Variants in PPP1R2 observed in about 807,000 individuals in gnomAD.
PPP1R2 encodes protein phosphatase 1 regulatory inhibitor subunit 2.
Under a neutral mutation model 29.9 loss-of-function variants are expected in PPP1R2, and 16 were observed. The ratio of observed to expected loss-of-function variants is 0.53; its 90% CI spans 0.36 to 0.81. The LOEUF (loss-of-function observed/expected upper bound fraction) is 0.81. PPP1R2 is among the 30% of genes least tolerant of loss of function. The pLI is 0.00. For missense variants in PPP1R2, 197 were observed against 252.7 expected (o/e 0.78, Z 1.49); for synonymous variants, 76 against 91.5 (o/e 0.83, Z 0.96).
chr3:195,529,784 G>A lies in PPP1R2; in HGVS notation c.230+10C>T, dbSNP rs754523535. The stretch of plus-strand genomic sequence containing the variant: ...AAGTCACAAGAGGAATGACGTCTAC[G>A]TAACATTACCTATGGTAAGGAGTGC... On this transcript the variant is annotated intron_variant, in intron 2 of 5. Transcript: ENST00000618156. The A allele has an allele frequency of 1.4e-5, 22 of 1,541,546 alleles. No individual in the cohort carries two copies. The highest frequency in any genetic ancestry group is 2.8e-5 in the African/African-American group (2 of 72,282).
At chr3:195,523,577 T>A (rs1718848914) in intron 4 of PPP1R2, 115 bp downstream of exon 4, 1 of 759,744 alleles carries the variant, frequency 1.3e-6, no homozygotes, top group African/African-American at 1.8e-5. Flanking sequence ...TTGCTTTCAT[T>A]CTCCTCCCCT....
chr3:195,542,988 C>T lies in PPP1R2; in HGVS notation c.38G>A (p.Gly13Glu). 1.2e-6 allele frequency: 2 copies of T among 1,602,326 alleles called. No individual in the cohort carries two copies. Among genetic ancestry groups the T allele is most frequent in the Non-Finnish European group, 1.7e-6 (2 of 1,174,656 alleles). ...CGTAGAGGTCTTGTTCTTCAAGATC[C>T]CCTTGATGGGCCGGTGCGAGGCCGT... ...ASTASHRPIK[G>E]ILKNKTSTTS... Residue 13 changes from glycine (G) to glutamate (E), a missense_variant, in exon 1 of 6, where the codon GGG (glycine) becomes GAG (glutamate). By Grantham distance (98) the Gly-to-Glu change is moderately conservative. This residue lies in a region of PPP1R2 where 54 missense variants were observed against 60.6 expected (regional missense o/e 0.89). Transcript: ENST00000618156.
At chr3:195,526,580 C>T (rs948539036) in intron 2 of PPP1R2, among the ~76,000 whole-genome samples, 4 of 152,104 alleles carry the variant, frequency 2.6e-5, no homozygotes, top group African/African-American at 9.7e-5. Context: ...TATTTATAAA[C>T]AGTCAAAAAA....
chr3:195,537,119 T>C (rs1022384472), intron 1 of PPP1R2, among the ~76,000 whole-genome samples: 6 of 152,022 alleles, frequency 3.9e-5, no homozygotes, highest in Non-Finnish European at 7.4e-5. Context: ...TAAAAATATA[T>C]ATAACTATAC....
intron 1 of PPP1R2, among the ~76,000 whole-genome samples, chr3:195,537,481 T>TTTTTTGTGTGTGTGTGTGTGTGTG (rs150119072): frequency 3.9e-4 from 50 of 128,574 alleles, no homozygotes; most frequent in Non-Finnish European, 5.8e-4. Flanking sequence ...GGATTAGCTA[T>TTTTTTGTGTGTGTGTGTGTGTGTG]TGTGTGTGTG....
chr3:195,520,990 G>C (rs950025662), intron 4 of PPP1R2, among the ~76,000 whole-genome samples: 1 of 151,978 alleles, frequency 6.6e-6, no homozygotes, highest in Non-Finnish European at 1.5e-5. Flanking sequence ...AATTCCCTAA[G>C]CTTTTATCAA....
At chr3:195,524,708 A>T in intron 3 of PPP1R2, 111 bp downstream of exon 3, 1 of 994,168 alleles carries the variant, frequency 1.0e-6, no homozygotes, top group Non-Finnish European at 1.5e-6. Context: ...AAACATGTTG[A>T]TCAACAGCCT....
intron 2 of PPP1R2, among the ~76,000 whole-genome samples, chr3:195,526,306 C>G (rs1484759707): frequency 6.6e-6 from 1 of 151,844 alleles, no homozygotes; most frequent in South Asian, 2.1e-4. Context: ...CTATGTTGCC[C>G]AGGCTCATCT....
intron 5 of PPP1R2, among the ~76,000 whole-genome samples, chr3:195,518,515 G>A (rs1205591639): frequency 6.6e-6 from 1 of 152,022 alleles, no homozygotes; most frequent in Non-Finnish European, 1.5e-5. Context: ...GCCAGGCGTG[G>A]TGGCAGGCGC....
chr3:195,523,439 A>G (rs1718843272), intron 4 of PPP1R2, among the ~76,000 whole-genome samples: 1 of 152,250 alleles, frequency 6.6e-6, no homozygotes, highest in Non-Finnish European at 1.5e-5. Context: ...ACTCTGCACT[A>G]AAAAGTACAA....
intron 1 of PPP1R2, among the ~76,000 whole-genome samples, chr3:195,537,929 C>A (rs1275930774): frequency 6.6e-6 from 1 of 152,204 alleles, no homozygotes; most frequent in Non-Finnish European, 1.5e-5. Flanking sequence ...AAACTGTCAG[C>A]AGGGGACACT....
chr3:195,523,961 G>A (rs543719078), intron 3 of PPP1R2, among the ~76,000 whole-genome samples, 175 bp from the exon 4 acceptor site: 69 of 152,174 alleles, frequency 4.5e-4, no homozygotes, highest in African/African-American at 1.5e-3. Flanking sequence ...GGTGGTACAC[G>A]CCTGTGGTCC....
At chr3:195,541,247 G>T (rs1719580788) in intron 1 of PPP1R2, among the ~76,000 whole-genome samples, 1 of 152,158 alleles carries the variant, frequency 6.6e-6, no homozygotes, top group Non-Finnish European at 1.5e-5. Flanking sequence ...AATTACAGCA[G>T]ATCCAAGTTA....
At chr3:195,522,117 G>C (rs1447939694) in intron 4 of PPP1R2, among the ~76,000 whole-genome samples, 1 of 152,200 alleles carries the variant, frequency 6.6e-6, no homozygotes, top group Admixed American at 6.5e-5. Context: ...AATATGCCAA[G>C]ATCAGTGATA....
intron 1 of PPP1R2, among the ~76,000 whole-genome samples, chr3:195,537,846 G>A (rs36116496): frequency 0.27 from 40,478 of 152,050 alleles, 6,372 homozygotes; most frequent in Admixed American, 0.45. Context: ...GCAAAAACAA[G>A]CATTTAAATA....
chr3:195,518,984 CA>C (rs756172481), intron 5 of PPP1R2, 33 bp downstream of exon 5: 2 of 1,608,686 alleles, frequency 1.2e-6, no homozygotes, highest in Admixed American at 3.4e-5. Flanking sequence ...TAGACCATTA[CA>C]AAAGTCTCAG....
At chr3:195,540,425 T>C (rs1024522010) in intron 1 of PPP1R2, among the ~76,000 whole-genome samples, 17 of 152,186 alleles carry the variant, frequency 1.1e-4, no homozygotes, top group Non-Finnish European at 1.5e-5. Context: ...GGGGGCCAAC[T>C]GTATATTTAT....
chr3:195,536,817 G>A (rs1223151196), intron 1 of PPP1R2, among the ~76,000 whole-genome samples: 12 of 145,148 alleles, frequency 8.3e-5, no homozygotes, highest in Admixed American at 1.4e-4. Context: ...AAAAGACAAC[G>A]ACGACAACTG....
intron 1 of PPP1R2, among the ~76,000 whole-genome samples, chr3:195,531,750 A>G (rs937506732): frequency 6.6e-6 from 1 of 152,180 alleles, no homozygotes; most frequent in African/African-American, 2.4e-5. Flanking sequence ...GAAGTGTACA[A>G]TTCTATGGCA....
Sources: gnomAD v4.1 joint callset for allele counts (sites outside exome capture counted in the v4.1 genomes callset) on GRCh38, gnomAD v4.1.1 for gene constraint, gnomAD v4.1.1 regional missense constraint, MANE v1.5 for transcripts, NCBI Gene and HGNC (gene_info 2026-07-23, HGNC 2026-07-21) for gene names.